ERC1: variants seen among roughly 807,000 people sequenced by gnomAD.
ERC1 encodes the protein RAB6 interacting protein 2.
Under a neutral mutation model 132.0 loss-of-function variants are expected in ERC1, and 56 were observed. The ratio of observed to expected loss-of-function variants is 0.42; its 90% CI spans 0.34 to 0.53. ERC1 has a LOEUF of 0.53. Ranked by LOEUF, ERC1 falls within the 20% of genes least tolerant of loss-of-function variation. The pLI, the probability that ERC1 is intolerant of heterozygous loss-of-function variation, is 0.03. For missense variants in ERC1, 1,202 were observed against 1,349.9 expected, an observed-to-expected ratio of 0.89 and a Z score of 1.72; for synonymous variants, 478 against 476.1, an observed-to-expected ratio of 1.00 and a Z score of -0.05.
At chr12:1,289,326 GA>G (rs2079267589) in intron 14 of ERC1, among the ~76,000 whole-genome samples, 1 of 151,444 alleles carries the variant, frequency 6.6e-6, no homozygotes, top group Non-Finnish European at 1.5e-5. Flanking sequence ...TTTAGAGCAA[GA>G]AATTGTCTGA....
chr12:1,216,610 A>AGGGATGGGGGGTGGGGGGCGG (rs1958438730), intron 12 of ERC1, among the ~76,000 whole-genome samples: 1 of 6,268 alleles, frequency 1.6e-4, no homozygotes, highest in African/African-American at 5.8e-4. Context: ...GTCGGGGAGG[A>AGGGATGGGGGGTGGGGGGCGG]GGGATGGGGG....
At chr12:1,124,955 A>G (rs906757736) in intron 7 of ERC1, among the ~76,000 whole-genome samples, 8 of 152,096 alleles carry the variant, frequency 5.3e-5, no homozygotes, top group Admixed American at 3.9e-4. Context: ...CCCAAATCCT[A>G]AGGCCCAGAT....
At chr12:1,150,130 A>G (rs997017103) in intron 8 of ERC1, among the ~76,000 whole-genome samples, 2 of 152,216 alleles carry the variant, frequency 1.3e-5, no homozygotes, top group African/African-American at 2.4e-5. Context: ...TTGTCTTTAA[A>G]CAGAGTCTTT....
rs570366803 is a variant in ERC1, at chr12:1,091,938, A to G, written c.1086+8358A>G. On this transcript the variant is annotated intron_variant, in intron 3 of 18. Transcript: ENST00000360905. ...ATGGGCTGGCAATGCTAGGGTATCC[A>G]GAAATTTCATTAGTTATTGAATTAT... Among the ~76,000 whole-genome samples, 5 of 152,202 alleles carry G rather than the reference A, an allele frequency of 3.3e-5. No individual in the cohort carries two copies. The East Asian group carries it at 7.7e-4, about 23-fold the overall frequency.
chr12:1,238,707 T>A (rs1187572243), intron 13 of ERC1, among the ~76,000 whole-genome samples: 1 of 152,168 alleles, frequency 6.6e-6, no homozygotes, highest in East Asian at 1.9e-4. Context: ...TTTCTTACCC[T>A]GCTCATCATT....
At chr12:1,018,358 G>A (rs777774425) in intron 1 of ERC1, among the ~76,000 whole-genome samples, 2 of 152,148 alleles carry the variant, frequency 1.3e-5, no homozygotes, top group Non-Finnish European at 2.9e-5. Context: ...GGGAGTACAG[G>A]TGTGCGCCAC....
At chr12:1,187,077 C>T (rs1400808566) in intron 11 of ERC1, among the ~76,000 whole-genome samples, 1 of 152,186 alleles carries the variant, frequency 6.6e-6, no homozygotes. Flanking sequence ...GTGATCCACC[C>T]ACCTCGGCCT....
intron 12 of ERC1, among the ~76,000 whole-genome samples, chr12:1,212,015 C>CT (rs2154290995): frequency 6.6e-6 from 1 of 152,210 alleles, no homozygotes; most frequent in Admixed American, 6.5e-5. Context: ...TAAGTTGATT[C>CT]TTTCCTACAT....
rs151126745 is a variant in ERC1 at position 1,038,638 on chromosome 12, C to T, written c.669+10066C>T. Among the ~76,000 whole-genome samples the T allele has an allele frequency of 3.6e-4, 55 of 152,250 alleles. 2 individuals are homozygous for T. In the East Asian group the frequency reaches 7.3e-3, roughly 20 times the overall value. On this transcript the variant is annotated intron_variant, in intron 2 of 18. Transcript: ENST00000360905. ...CCTCCCAAAGTGCTAAGATTACAGG[C>T]GTGAGCCACTGTGCCCAGCCTTTTC...
intron 12 of ERC1, among the ~76,000 whole-genome samples, chr12:1,205,261 A>G (rs544388194): frequency 1.3e-5 from 2 of 152,218 alleles, no homozygotes; most frequent in South Asian, 4.1e-4. Flanking sequence ...CATATGAGCC[A>G]TGACAATATA....
intron 14 of ERC1, among the ~76,000 whole-genome samples, chr12:1,286,932 C>A (rs1380407172): frequency 2.0e-5 from 3 of 152,088 alleles, no homozygotes; most frequent in African/African-American, 7.2e-5. Flanking sequence ...CAGTACCTGG[C>A]ATATGATAAA....
At chr12:1,378,263 G>A (rs2088184830) in intron 16 of ERC1, among the ~76,000 whole-genome samples, 1 of 152,138 alleles carries the variant, frequency 6.6e-6, no homozygotes, top group Non-Finnish European at 1.5e-5. Context: ...GCTCCCCGTT[G>A]GAGCAATATT....
At chr12:1,266,984 T>A (rs1856728182) in intron 14 of ERC1, among the ~76,000 whole-genome samples, 1 of 152,238 alleles carries the variant, frequency 6.6e-6, no homozygotes, top group Non-Finnish European at 1.5e-5. Context: ...TAAAATAAGA[T>A]GTAGAACCTT....
intron 1 of ERC1, among the ~76,000 whole-genome samples, chr12:1,008,440 A>G (rs530501862): frequency 3.9e-5 from 6 of 152,174 alleles, no homozygotes; most frequent in Non-Finnish European, 8.8e-5. Flanking sequence ...ATCTATTTAC[A>G]TAATTTTTTT....
chr12:990,794 G>T (rs962586253), upstream of ERC1, among the ~76,000 whole-genome samples: 1 of 152,110 alleles, frequency 6.6e-6, no homozygotes, highest in African/African-American at 2.4e-5. Context: ...TAGGGGGTGG[G>T]GCGCCGCTTA....
intron 12 of ERC1, among the ~76,000 whole-genome samples, chr12:1,221,425 C>T (rs893139720): frequency 5.3e-5 from 8 of 152,152 alleles, no homozygotes; most frequent in African/African-American, 1.9e-4. Context: ...TAAGATGAGA[C>T]TAATTATCCT....
chr12:1,351,185 A>G (rs1470128129), intron 15 of ERC1, among the ~76,000 whole-genome samples: 1 of 152,224 alleles, frequency 6.6e-6, no homozygotes, highest in Non-Finnish European at 1.5e-5. Context: ...GTGTTTATCC[A>G]GTCTTTGATT....
intron 17 of ERC1, among the ~76,000 whole-genome samples, chr12:1,416,644 T>A (rs186097202): frequency 8.7e-4 from 133 of 152,364 alleles, no homozygotes; most frequent in African/African-American, 2.9e-3. Context: ...GTCTTCTAAG[T>A]TGATTGTCCC....
At position 1,196,947 on chromosome 12, in the gene ERC1, CACACACACACACACAT is replaced by C. The variant is rs1462025250; in HGVS notation, c.2351+6897_2351+6912del. On this transcript the variant is annotated intron_variant, in intron 12 of 18. Transcript: ENST00000360905. ...ACACACACACACACACACACACACA[CACACACACACACACAT>C]ATATATATATATATTTTTTTTTTTT... Among the ~76,000 whole-genome samples, 160 of 37,612 alleles carry C rather than the reference CACACACACACACACAT, an allele frequency of 4.3e-3. 2 individuals are homozygous for C. In the African/African-American group the frequency reaches 0.048, roughly 11 times the overall value. 24.7% of individuals were successfully genotyped at this position (37,612 alleles called of 152,430 possible).
Sources: gnomAD v4.1 joint callset for allele counts (sites outside exome capture counted in the v4.1 genomes callset) on GRCh38, gnomAD v4.1.1 for gene constraint, MANE v1.5 for transcripts, NCBI Gene and HGNC (gene_info 2026-07-23, HGNC 2026-07-21) for gene names.